The following GOLGA8M variants were observed in gnomAD, a reference collection of about 807,000 sequenced individuals.
GOLGA8M encodes golgin A8 family member M.
In GOLGA8M, 34 loss-of-function variants were observed where a neutral mutation model predicts 87.7. That is an observed-to-expected ratio of 0.39 (90% CI 0.29 to 0.52). The LOEUF is 0.52. Ranked by LOEUF, GOLGA8M falls within the 20% of genes least tolerant of loss-of-function variation. The pLI, the probability that GOLGA8M is intolerant of heterozygous loss-of-function variation, is 0.80. For missense variants in GOLGA8M, 396 were observed against 682.2 expected (o/e 0.58, Z 4.67); for synonymous variants, 138 against 250.2 (o/e 0.55, Z 4.23).
chr15:28,699,378 A>T lies in GOLGA8M; in HGVS notation c.*2576T>A, dbSNP rs1451623750. Among the ~76,000 whole-genome samples the T allele has an allele frequency of 0.014, 2,118 of 146,912 alleles. 47 individuals carry two copies. The highest frequency in any genetic ancestry group is 0.053 in the African/African-American group (2,008 of 38,214). ...AAGCAAACTGAAAGCTGCCTTATAC[A>T]GAATGAGGAAGAGCACAAATACTCG... On this transcript the variant is annotated 3_prime_UTR_variant, in exon 19 of 19. Coordinates refer to ENST00000563027, the MANE Select transcript of GOLGA8M (RefSeq NM_001282468.3).
intron 13 of GOLGA8M, among the ~76,000 whole-genome samples, chr15:28,704,350 G>A (rs902161191): frequency 2.0e-5 from 3 of 147,106 alleles, no homozygotes; most frequent in African/African-American, 7.4e-5. Context: ...AGCTGCCCAG[G>A]CCCCTGTCCC....
In GOLGA8M at chr15:28,706,681, C is replaced by T; in HGVS notation, c.610G>A (p.Ala204Thr). The T allele has an allele frequency of 3.2e-6, 5 of 1,540,974 alleles. No individual in the cohort carries two copies. The South Asian group carries it at 5.7e-5, about 17-fold the overall frequency. Residue 204 changes from alanine (A) to threonine (T), a missense_variant, in exon 9 of 19, where the codon GCA (alanine) becomes ACA (threonine). Ala to Thr is a moderately conservative substitution (Grantham distance 58). Around this residue, in one of 12 missense-constraint regions of GOLGA8M, gnomAD observed 80 missense variants for 119.9 expected, o/e 0.67. Coordinates refer to ENST00000563027, the MANE Select transcript of GOLGA8M (RefSeq NM_001282468.3). ...TGCTCTAACTTCCACTCCGTACCTG[C>T]TTTACTGGGGCTGGACAACTGGATG... ...KANQLSSPSK[A>T]GTEWKLEQSM...
intron 1 of GOLGA8M, chr15:28,711,482 A>G (rs2080193710): frequency 1.0e-5 from 10 of 985,014 alleles, no homozygotes; most frequent in African/African-American, 1.7e-5. Flanking sequence ...GATACCGTCA[A>G]TGTTTTGAGT....
rs2080033877 is a variant in GOLGA8M at position 28,706,465 on chromosome 15, C to T, written c.720G>A (p.Glu240=). The T allele has an allele frequency of 1.6e-6, 2 of 1,273,122 alleles. No individual in the cohort carries two copies. Among genetic ancestry groups the T allele is most frequent in the East Asian group, 4.9e-5 (2 of 40,918 alleles). 78.9% of individuals were successfully genotyped at this position (1,273,122 alleles called of 1,614,324 possible). A position where few individuals can be genotyped will look rare whatever the true frequency, so the allele number is the denominator to read the frequency against. The change falls in exon 10 of 19, where the codon GAG becomes GAA. Residue 240 remains glutamate (E), a synonymous_variant. Transcript: ENST00000563027. ...TCTCTCCTTTTAGATGTTCAGAATA[C>T]TCATCTCTTTCTAATTGGACTTGTT... is the stretch of plus-strand genomic sequence containing the variant. ...SFQQVQLERD[E]YSEHLKGERA...
At chr15:28,708,301 G>A (rs1184902649) in intron 5 of GOLGA8M, 74 bp downstream of exon 5, 2 of 1,611,754 alleles carry the variant, frequency 1.2e-6, no homozygotes, top group South Asian at 1.1e-5. Context: ...TCGGGGCCCT[G>A]TGGGGATGGG....
At chr15:28,707,714 A>G (rs2131547) in intron 8 of GOLGA8M, 34 bp downstream of exon 8, 93 of 1,540,246 alleles carry the variant, frequency 6.0e-5, no homozygotes, top group African/African-American at 3.2e-4. Context: ...GCAAAGCCAG[A>G]CTCCCAGGGG....
chr15:28,705,492 G>A lies in GOLGA8M; in HGVS notation c.1122C>T (p.Phe374=), dbSNP rs199620151. The change falls in exon 12 of 19, where the codon TTC becomes TTT. Residue 374 remains phenylalanine (F), a synonymous_variant. Coordinates refer to ENST00000563027, the MANE Select transcript of GOLGA8M (RefSeq NM_001282468.3). ...LQQLAKPQSV[F]EEPNNENKST... is the part of the protein sequence containing the mutation. ...AGTTTGGGCAACGCACCGGCTCCTC[G>A]AAGACGCTCTGTGGCTTGGCCAGCT... 0.083 allele frequency: 127,061 copies of A among 1,530,070 alleles called. 8,027 individuals carry two copies. The highest frequency in any genetic ancestry group is 0.52 in the East Asian group (19,362 of 37,502). The allele number at this position is 1,530,070 out of a possible 1,614,324, so 94.8% of individuals were successfully genotyped here.
upstream of GOLGA8M, among the ~76,000 whole-genome samples, chr15:28,713,072 G>T (rs2080235776): frequency 6.6e-6 from 1 of 151,676 alleles, no homozygotes; most frequent in African/African-American, 2.4e-5. Flanking sequence ...GGGTGCAGTG[G>T]CTCATGCCTG....
chr15:28,703,967 C>T, intron 13 of GOLGA8M, 50 bp from the exon 14 acceptor site: 3 of 1,587,852 alleles, frequency 1.9e-6, no homozygotes, highest in South Asian at 2.2e-5. Context: ...CAGGTCGTCC[C>T]CCTCACAGCC....
At position 28,703,148 on chromosome 15, in the gene GOLGA8M, C is replaced by G. The variant is rs77128118; in HGVS notation, c.1368+171G>C. ...GTGGAGCGCAGCCCCTTCCCTTGGG[C>G]CCCCAGAGACTGCACATGTTGGCCA... On this transcript the variant is annotated intron_variant, in intron 15 of 18. Coordinates refer to ENST00000563027, the MANE Select transcript of GOLGA8M (RefSeq NM_001282468.3). 8.2e-3 allele frequency among the ~76,000 whole-genome samples: 1,061 copies of G among 129,422 alleles called. 45 individuals are homozygous for G. The highest frequency in any genetic ancestry group is 0.029 in the African/African-American group (857 of 29,900). The allele number at this position is 129,422 out of a possible 152,430, so 84.9% of individuals were successfully genotyped here.
Position 28,699,643 on chromosome 15 carries a change from GC to G in GOLGA8M, c.*2310del. Among the ~76,000 whole-genome samples, 1 of 123,508 alleles carries G rather than the reference GC, an allele frequency of 8.1e-6. No individual in the cohort carries two copies. Among genetic ancestry groups the G allele is most frequent in the Non-Finnish European group, 1.6e-5 (1 of 63,952 alleles). The allele number at this position is 123,508 out of a possible 152,430, so 81.0% of individuals were successfully genotyped here. A position where few individuals can be genotyped will look rare whatever the true frequency, so the allele number is the denominator to read the frequency against. ...CATTATTGTCAGATTGGTTACAGAT[GC>G]TAAACGCTATCCGAAGGTCATTCCT... is the stretch of plus-strand genomic sequence containing the variant. On this transcript the variant is annotated 3_prime_UTR_variant, in exon 19 of 19. Transcript: ENST00000563027.
intron 4 of GOLGA8M, among the ~76,000 whole-genome samples, chr15:28,708,904 C>T (rs1017983391): frequency 4.3e-5 from 6 of 139,102 alleles, no homozygotes; most frequent in African/African-American, 1.4e-4. Context: ...TCTGGAAACA[C>T]GAGCCCAAAA....
chr15:28,707,137 A>G (rs2080057586), intron 8 of GOLGA8M, among the ~76,000 whole-genome samples: 1 of 135,812 alleles, frequency 7.4e-6, no homozygotes, highest in South Asian at 2.3e-4. Context: ...ATAAACACCC[A>G]GGTCTATCCA....
intron 18 of GOLGA8M, 22 bp from the exon 19 acceptor site, chr15:28,702,151 G>A: frequency 6.3e-7 from 1 of 1,577,744 alleles, no homozygotes; most frequent in Non-Finnish European, 8.5e-7. Flanking sequence ...GGGAGGCAGG[G>A]ATCTGAGCAC....
Position 28,701,769 on chromosome 15 carries a change from G to A in GOLGA8M, c.*185C>T, listed in dbSNP as rs1159601536. ...AGGATGCCAGAGTGAACATCAGTGA[G>A]AGCCACAGACACCCACTCTCTTTTA... On this transcript the variant is annotated 3_prime_UTR_variant, in exon 19 of 19. Coordinates refer to ENST00000563027, the MANE Select transcript of GOLGA8M (RefSeq NM_001282468.3). Among the ~76,000 whole-genome samples, 2 of 151,718 alleles carry A rather than the reference G, an allele frequency of 1.3e-5. No individual in the cohort carries two copies. The highest frequency in any genetic ancestry group is 2.4e-5 in the African/African-American group (1 of 41,232).
At position 28,698,879 on chromosome 15, in the gene GOLGA8M, A is replaced by G. The variant is rs942076194; in HGVS notation, c.*3075T>C. 1.4e-5 allele frequency among the ~76,000 whole-genome samples: 2 copies of G among 142,986 alleles called. No individual in the cohort carries two copies. Among genetic ancestry groups the G allele is most frequent in the Non-Finnish European group, 3.0e-5 (2 of 67,680 alleles). The allele number at this position is 142,986 out of a possible 152,430, so 93.8% of individuals were successfully genotyped here. On this transcript the variant is annotated 3_prime_UTR_variant, in exon 19 of 19. Transcript: ENST00000563027. The stretch of plus-strand genomic sequence containing the variant: ...ATTTCCATTACACATTCTGTTTATA[A>G]TAATTCATAAACTGGTAAAATTCAT...
chr15:28,707,673 A>G (rs1462630315), intron 8 of GOLGA8M, 75 bp downstream of exon 8: 2 of 1,419,316 alleles, frequency 1.4e-6, no homozygotes, highest in Non-Finnish European at 1.9e-6. Context: ...GCCATCCTGC[A>G]GAAGGGACCT....
In GOLGA8M at chr15:28,700,989, T is replaced by C. The variant is rs991093285; in HGVS notation, c.*965A>G. Among the ~76,000 whole-genome samples, 6 of 152,170 alleles carry C rather than the reference T, an allele frequency of 3.9e-5. No homozygotes were observed. The highest frequency in any genetic ancestry group is 8.8e-5 in the Non-Finnish European group (6 of 68,030). On this transcript the variant is annotated 3_prime_UTR_variant, in exon 19 of 19. Coordinates refer to ENST00000563027, the MANE Select transcript of GOLGA8M (RefSeq NM_001282468.3). ...AGAAGAATGCCAACCAGTGTCCTTT[T>C]GTGTACTGGGACATGTAGTCATGCG...
In GOLGA8M at chr15:28,702,251, TG is replaced by T; in HGVS notation, c.1685del (p.Pro562GlnfsTer18). On this transcript the variant is annotated frameshift_variant, in exon 18 of 19. Transcript: ENST00000563027. LOFTEE classifies it high-confidence loss of function. ...CTGCAGCCCCAAGCTCCTGGGGAGC[TG>T]GGGCTCCTGGACCGGGCTCATCAGC... ...NSADEPGPGAPAPQELGAADK... is the reference protein window; with the variant it reads ...NSADEPGPGAXAPQELGAADK... The T allele has an allele frequency of 1.3e-6, 2 of 1,579,222 alleles. No homozygotes were observed. The highest frequency in any genetic ancestry group is 8.5e-7 in the Non-Finnish European group (1 of 1,171,792).
Sources: allele counts gnomAD v4.1 joint callset (sites outside exome capture counted in the v4.1 genomes callset), GRCh38; gene constraint gnomAD v4.1.1; regional missense constraint gnomAD v4.1.1; transcripts MANE v1.5; gene names NCBI Gene and HGNC (gene_info 2026-07-23, HGNC 2026-07-21).